Variants in KCNH7 observed in about 807,000 individuals in gnomAD.
The protein encoded by KCNH7 is potassium voltage-gated channel subfamily H member 7.
In KCNH7, 49 loss-of-function variants were observed where a neutral mutation model predicts 120.8. The observed-to-expected ratio is 0.41, with a 90% confidence interval of 0.32 to 0.51. The LOEUF (loss-of-function observed/expected upper bound fraction) is 0.51, where lower values mean the gene tolerates loss of function less well. Ranked by LOEUF, KCNH7 falls within the 20% of genes least tolerant of loss-of-function variation. The pLI, the probability that KCNH7 is intolerant of heterozygous loss-of-function variation, is 0.38. For synonymous variants in KCNH7, 547 were observed against 516.1 expected, an observed-to-expected ratio of 1.06 and a Z score of -0.81; for missense variants, 1,097 against 1,446.6, an observed-to-expected ratio of 0.76 and a Z score of 3.92.
intron 3 of KCNH7, among the ~76,000 whole-genome samples, chr2:162,533,983 T>C (rs1313533224): frequency 2.6e-5 from 4 of 151,468 alleles, no homozygotes; most frequent in African/African-American, 9.7e-5. Context: ...TTTATGACTG[T>C]AAGACAATAA....
intron 6 of KCNH7, among the ~76,000 whole-genome samples, chr2:162,451,663 A>G (rs1179047093): frequency 1.3e-5 from 2 of 152,028 alleles, no homozygotes; most frequent in Non-Finnish European, 2.9e-5. Flanking sequence ...GGCTCACCCA[A>G]GATGCTGGAG....
Position 162,399,069 on chromosome 2 carries a change from T to C in KCNH7, c.2407+1120A>G, listed in dbSNP as rs139897483. On this transcript the variant is annotated intron_variant, in intron 10 of 15. Transcript: ENST00000332142. Reference sequence around the variant, plus strand: ...TGTCCTGTTGGAGAGAACCATCATATGTGAACATCAAAAGCTAAGTGAGAG... The same window carrying C: ...TGTCCTGTTGGAGAGAACCATCATACGTGAACATCAAAAGCTAAGTGAGAG... Among the ~76,000 whole-genome samples the C allele has an allele frequency of 2.0e-3, 309 of 151,964 alleles. 5 individuals carry two copies. The highest frequency in any genetic ancestry group is 6.9e-3 in the African/African-American group (286 of 41,534).
At chr2:162,757,871 T>A (rs1688841796) in intron 2 of KCNH7, among the ~76,000 whole-genome samples, 1 of 152,168 alleles carries the variant, frequency 6.6e-6, no homozygotes, top group South Asian at 2.1e-4. Flanking sequence ...TATTTTCATA[T>A]GCACAGCCAT....
intron 2 of KCNH7, among the ~76,000 whole-genome samples, chr2:162,764,719 G>A (rs1180437864): frequency 6.6e-6 from 1 of 152,048 alleles, no homozygotes; most frequent in Non-Finnish European, 1.5e-5. Context: ...AAAAGCTAAA[G>A]ACATTTGTAA....
At chr2:162,455,918 T>G (rs1173955812) in intron 6 of KCNH7, among the ~76,000 whole-genome samples, 3 of 152,178 alleles carry the variant, frequency 2.0e-5, no homozygotes, top group African/African-American at 7.2e-5. Context: ...TTGAAGGGTT[T>G]TTCGTGTCTC....
At chr2:162,620,919 C>T (rs983560692) in intron 2 of KCNH7, among the ~76,000 whole-genome samples, 2 of 152,116 alleles carry the variant, frequency 1.3e-5, no homozygotes, top group African/African-American at 4.8e-5. Flanking sequence ...ATTTGAGAAA[C>T]AGGAATTCTG....
At chr2:162,782,325 AG>A in intron 2 of KCNH7, among the ~76,000 whole-genome samples, 1 of 152,348 alleles carries the variant, frequency 6.6e-6, no homozygotes, top group South Asian at 2.1e-4. Flanking sequence ...AGAGGAAGTA[AG>A]GGGCACAGTT....
chr2:162,806,708 C>T (rs1684549744), intron 2 of KCNH7, among the ~76,000 whole-genome samples: 1 of 152,112 alleles, frequency 6.6e-6, no homozygotes, highest in African/African-American at 2.4e-5. Context: ...CTCAGTATTA[C>T]ATCAGGCATC....
chr2:162,547,294 A>G (rs1264436172), intron 2 of KCNH7, among the ~76,000 whole-genome samples: 1 of 152,140 alleles, frequency 6.6e-6, no homozygotes. Context: ...CCATATCAGA[A>G]TCATAGTTTC....
At chr2:162,704,405 A>T (rs1339092963) in intron 2 of KCNH7, among the ~76,000 whole-genome samples, 1 of 152,194 alleles carries the variant, frequency 6.6e-6, no homozygotes, top group East Asian at 1.9e-4. Flanking sequence ...AGACATTATG[A>T]ACATTATTTT....
chr2:162,809,756 T>A (rs958591525), intron 2 of KCNH7, among the ~76,000 whole-genome samples: 1 of 152,128 alleles, frequency 6.6e-6, no homozygotes, highest in Non-Finnish European at 1.5e-5. Flanking sequence ...AAGCAAGAGA[T>A]AATTTTCAAA....
intron 9 of KCNH7, among the ~76,000 whole-genome samples, chr2:162,409,823 C>G (rs1687332582): frequency 6.6e-6 from 1 of 151,920 alleles, no homozygotes; most frequent in Non-Finnish European, 1.5e-5. Flanking sequence ...AATGCAATCT[C>G]ATTTGCAATA....
chr2:162,401,815 G>A (rs1687071769), intron 9 of KCNH7, among the ~76,000 whole-genome samples: 1 of 151,824 alleles, frequency 6.6e-6, no homozygotes, highest in Admixed American at 6.6e-5. Flanking sequence ...TCTGGTCATG[G>A]ATTTGCCACA....
At chr2:162,703,261 A>T (rs182453675) in intron 2 of KCNH7, among the ~76,000 whole-genome samples, 10 of 152,234 alleles carry the variant, frequency 6.6e-5, no homozygotes, top group African/African-American at 2.4e-4. Context: ...TATTTGAGAC[A>T]CCTAAATTAC....
chr2:162,463,521 TCTGTAC>T, intron 6 of KCNH7, among the ~76,000 whole-genome samples: 1 of 152,134 alleles, frequency 6.6e-6, no homozygotes, highest in South Asian at 2.1e-4. Context: ...TGCCATATTT[TCTGTAC>T]CTTAAACGAC....
At chr2:162,775,999 G>T (rs1434867613) in intron 2 of KCNH7, among the ~76,000 whole-genome samples, 1 of 152,128 alleles carries the variant, frequency 6.6e-6, no homozygotes, top group Non-Finnish European at 1.5e-5. Context: ...GTGAATACAT[G>T]GACTGTGCAT....
At chr2:162,634,802 GA>G (rs1273498931) in intron 2 of KCNH7, among the ~76,000 whole-genome samples, 1 of 152,002 alleles carries the variant, frequency 6.6e-6, no homozygotes, top group African/African-American at 2.4e-5. Flanking sequence ...TCACTAACTT[GA>G]AATATAAGAC....
chr2:162,441,936 T>C (rs1479168953), intron 7 of KCNH7, among the ~76,000 whole-genome samples: 1 of 148,620 alleles, frequency 6.7e-6, no homozygotes, highest in Non-Finnish European at 1.5e-5. Flanking sequence ...CATTATAGAA[T>C]ATCCTCTACT....
intron 2 of KCNH7, among the ~76,000 whole-genome samples, chr2:162,784,350 C>G (rs1217606056): frequency 2.6e-5 from 4 of 152,068 alleles, no homozygotes; most frequent in African/African-American, 9.7e-5. Context: ...TCCTCAGAGA[C>G]AGTAGCTGGC....
Sources: gnomAD v4.1 joint callset for allele counts (sites outside exome capture counted in the v4.1 genomes callset) on GRCh38, gnomAD v4.1.1 for gene constraint, MANE v1.5 for transcripts, NCBI Gene and HGNC (gene_info 2026-07-23, HGNC 2026-07-21) for gene names.